DOCK5: variants seen among roughly 807,000 people sequenced by gnomAD.
DOCK5 encodes the protein dedicator of cytokinesis 5.
A neutral mutation model predicts 251.8 loss-of-function variants in DOCK5; 142 were observed. The ratio of observed to expected loss-of-function variants is 0.56; its 90% CI spans 0.49 to 0.65. DOCK5 has a LOEUF of 0.65. DOCK5 is among the 30% of genes least tolerant of loss of function. The probability of loss-of-function intolerance (pLI) is 0.00; values close to 1 mark genes in which losing one functional copy is unlikely to be tolerated. For missense variants in DOCK5, 2,111 were observed against 2,312.3 expected, an observed-to-expected ratio of 0.91 and a Z score of 1.79; for synonymous variants, 842 against 835.5, an observed-to-expected ratio of 1.01 and a Z score of -0.13.
At chr8:25,197,564 C>CGGGA (rs1801759939) in intron 1 of DOCK5, among the ~76,000 whole-genome samples, 3 of 131,686 alleles carry the variant, frequency 2.3e-5, no homozygotes, top group Non-Finnish European at 3.2e-5. Context: ...CTTTAAGGAT[C>CGGGA]GTGTCTTTGT....
intron 5 of DOCK5, among the ~76,000 whole-genome samples, chr8:25,289,770 A>AG (rs1804439621): frequency 6.6e-6 from 1 of 151,902 alleles, no homozygotes; most frequent in Non-Finnish European, 1.5e-5. Flanking sequence ...TGAACGCGGG[A>AG]TGGGGAGGTT....
intron 27 of DOCK5, among the ~76,000 whole-genome samples, chr8:25,356,388 G>T: frequency 6.6e-6 from 1 of 151,848 alleles, no homozygotes; most frequent in South Asian, 2.1e-4. Context: ...ATTTGGGGCT[G>T]GGTGCGGTGG....
chr8:25,230,633 T>C (rs549714220), intron 1 of DOCK5, among the ~76,000 whole-genome samples: 189 of 152,208 alleles, frequency 1.2e-3, no homozygotes, highest in African/African-American at 4.1e-3. Flanking sequence ...GGAGGATTGC[T>C]TGAGCCCAGG....
At chr8:25,367,013 C>T (rs370931538) in intron 31 of DOCK5, 43 bp downstream of exon 31, 30 of 1,501,690 alleles carry the variant, frequency 2.0e-5, no homozygotes, top group Non-Finnish European at 2.8e-5. Context: ...GGGCTTCTTC[C>T]ATTTGTTTAC....
At chr8:25,261,063 G>A (rs1803565529) in intron 2 of DOCK5, among the ~76,000 whole-genome samples, 1 of 152,112 alleles carries the variant, frequency 6.6e-6, no homozygotes, top group Non-Finnish European at 1.5e-5. Flanking sequence ...ATGGATGTGA[G>A]CCACCACGCC....
chr8:25,262,786 C>T (rs912635782), intron 2 of DOCK5, among the ~76,000 whole-genome samples: 1 of 151,910 alleles, frequency 6.6e-6, no homozygotes, highest in Non-Finnish European at 1.5e-5. Context: ...ATGCAGATAC[C>T]CATTAATCCC....
At chr8:25,305,908 G>A (rs1804909970) in intron 11 of DOCK5, among the ~76,000 whole-genome samples, 1 of 151,956 alleles carries the variant, frequency 6.6e-6, no homozygotes, top group Admixed American at 6.6e-5. Context: ...TCCTGTTTTT[G>A]TTTTCCTGTT....
intron 14 of DOCK5, 127 bp from the exon 15 acceptor site, chr8:25,319,451 C>A: frequency 1.8e-6 from 1 of 549,622 alleles, no homozygotes; most frequent in Non-Finnish European, 3.2e-6. Flanking sequence ...ACTTAATCAG[C>A]CGATCAGTGC....
chr8:25,203,791 C>T (rs894547238), intron 1 of DOCK5, among the ~76,000 whole-genome samples: 3 of 152,058 alleles, frequency 2.0e-5, no homozygotes, highest in East Asian at 1.9e-4. Context: ...TGCCTTTTTT[C>T]GCCTCTCTTT....
At chr8:25,197,750 A>ATTTTTC (rs1801769697) in intron 1 of DOCK5, among the ~76,000 whole-genome samples, 1 of 95,762 alleles carries the variant, frequency 1.0e-5, no homozygotes, top group Non-Finnish European at 2.1e-5. Flanking sequence ...TGCCAAGCTA[A>ATTTTTC]TTTTTTTTTT....
intron 1 of DOCK5, among the ~76,000 whole-genome samples, chr8:25,212,046 A>C (rs1395567605): frequency 1.5e-5 from 1 of 67,046 alleles, no homozygotes; most frequent in African/African-American, 3.4e-5. Context: ...CTGTAGTTCC[A>C]GCTACTCTGG....
intron 1 of DOCK5, among the ~76,000 whole-genome samples, chr8:25,189,841 A>T (rs970501831): frequency 6.6e-6 from 1 of 152,200 alleles, no homozygotes; most frequent in Non-Finnish European, 1.5e-5. Context: ...TTGAATGCTG[A>T]TTTAAGACTG....
At chr8:25,243,890 C>A in intron 2 of DOCK5, 133 bp downstream of exon 2, 1 of 837,656 alleles carries the variant, frequency 1.2e-6, no homozygotes, top group South Asian at 1.6e-5. Context: ...TCAGGAAGTA[C>A]TTGGGTGACA....
intron 2 of DOCK5, among the ~76,000 whole-genome samples, chr8:25,267,596 T>G (rs1803791346): frequency 6.6e-6 from 1 of 152,198 alleles, no homozygotes; most frequent in Non-Finnish European, 1.5e-5. Flanking sequence ...TATGGCTACC[T>G]TATACGTGTA....
chr8:25,355,318 A>G (rs1456154247), intron 27 of DOCK5, among the ~76,000 whole-genome samples: 1 of 152,260 alleles, frequency 6.6e-6, no homozygotes, highest in Non-Finnish European at 1.5e-5. Context: ...AGAAAAAGAT[A>G]CTAAACATAA....
intron 10 of DOCK5, among the ~76,000 whole-genome samples, chr8:25,303,232 G>C (rs1804814865): frequency 6.6e-6 from 1 of 152,100 alleles, no homozygotes; most frequent in African/African-American, 2.4e-5. Flanking sequence ...TCTTTGCATG[G>C]GTTCTGTGTC....
At chr8:25,276,337 A>G (rs749595236) in intron 4 of DOCK5, among the ~76,000 whole-genome samples, 2 of 152,176 alleles carry the variant, frequency 1.3e-5, no homozygotes, top group African/African-American at 2.4e-5. Context: ...AAGATCTGCT[A>G]TATTTTGGGT....
At chr8:25,381,423 C>G (rs1801066035) in intron 39 of DOCK5, among the ~76,000 whole-genome samples, 1 of 152,058 alleles carries the variant, frequency 6.6e-6, no homozygotes, top group South Asian at 2.1e-4. Flanking sequence ...CTAGGACTTC[C>G]AGACGAGTCT....
rs996520584 is a variant in DOCK5 at position 25,412,747 on chromosome 8, A to C, written c.*1449A>C. 1 of 152,268 alleles carries C rather than the reference A, an allele frequency of 6.6e-6. No homozygotes were observed. Among genetic ancestry groups the C allele is most frequent in the Non-Finnish European group, 1.5e-5 (1 of 68,086 alleles). 9.4% of individuals were successfully genotyped at this position (152,268 alleles called of 1,614,324 possible). A position where few individuals can be genotyped will look rare whatever the true frequency, so the allele number is the denominator to read the frequency against. ...TCCACTAAGGAGGTGAAGAGAACAG[A>C]GAAAGAGATTTCCATTTCTGCTGCC... is the stretch of plus-strand genomic sequence containing the variant. On this transcript the variant is annotated 3_prime_UTR_variant, in exon 52 of 52. Coordinates refer to ENST00000276440, the MANE Select transcript of DOCK5 (RefSeq NM_024940.8).
Sources: gnomAD v4.1 joint callset for allele counts (sites outside exome capture counted in the v4.1 genomes callset) on GRCh38, gnomAD v4.1.1 for gene constraint, MANE v1.5 for transcripts, NCBI Gene and HGNC (gene_info 2026-07-23, HGNC 2026-07-21) for gene names.